MCPH1: variants seen among roughly 807,000 people sequenced by gnomAD.
MCPH1 encodes the protein microcephalin 1, also known as microcephalin.
In MCPH1, 104 loss-of-function variants were observed where a neutral mutation model predicts 84.5. The ratio of observed to expected loss-of-function variants is 1.23; its 90% CI spans 1.05 to 1.45. The LOEUF (loss-of-function observed/expected upper bound fraction) is 1.45, where lower values mean the gene tolerates loss of function less well. Ranked by LOEUF, MCPH1 falls within the 40% of genes most tolerant of loss-of-function variation. MCPH1 has a pLI of 0.00. For missense variants in MCPH1, 1,498 were observed against 1,005.7 expected (o/e 1.49, Z -6.62); for synonymous variants, 514 against 366.8 (o/e 1.40, Z -4.58).
intron 12 of MCPH1, chr8:6,503,018 C>T (rs1411191785): frequency 1.3e-6 from 2 of 1,518,346 alleles, no homozygotes; most frequent in African/African-American, 1.4e-5. Context: ...GAAGAGGACA[C>T]AGTGCGCAGC....
At chr8:6,535,246 G>A (rs1433516019) in intron 12 of MCPH1, among the ~76,000 whole-genome samples, 1 of 152,180 alleles carries the variant, frequency 6.6e-6, no homozygotes, top group Non-Finnish European at 1.5e-5. Context: ...CATTTCTAGA[G>A]CTACTGAGTC....
At chr8:6,406,711 G>A (rs747298128) in intron 1 of MCPH1, 22 bp downstream of exon 1, 12 of 1,611,540 alleles carry the variant, frequency 7.4e-6, no homozygotes, top group Non-Finnish European at 1.0e-5. Context: ...CCTGCTGCCT[G>A]CTCCAGCAGC....
At chr8:6,439,750 G>A (rs1368437833) in intron 6 of MCPH1, among the ~76,000 whole-genome samples, 2 of 152,108 alleles carry the variant, frequency 1.3e-5, no homozygotes. Flanking sequence ...TGTATCTAAG[G>A]AATCAGTTTG....
At position 6,407,043 on chromosome 8, in the gene MCPH1, C is replaced by T. The variant is rs1286295931; in HGVS notation, c.22+354C>T. 8.1e-6 allele frequency: 3 copies of T among 371,938 alleles called. 1 individual carries two copies. Among genetic ancestry groups the T allele is most frequent in the East Asian group, 7.2e-5 (1 of 13,956 alleles). 23.0% of individuals were successfully genotyped at this position (371,938 alleles called of 1,614,324 possible). On this transcript the variant is annotated intron_variant, in intron 1 of 13. Coordinates refer to ENST00000344683, the MANE Select transcript of MCPH1 (RefSeq NM_024596.5). ...AATCCCCCGCTGCCTGCTCCCTCCC[C>T]CATGCTGCCTGTCCCCCAAATCCCG...
rs779947393 is a variant in MCPH1, at chr8:6,477,588, C to A, written c.1936-6C>A. On this transcript the variant is annotated splice_polypyrimidine_tract_variant and splice_region_variant and intron_variant, in intron 9 of 13. Transcript: ENST00000344683. ...TTTTTTGTTCCTTCTTGTTTGAAAT[C>A]TCTAGCCAACAAGAACATTAGTCAT... is the stretch of plus-strand genomic sequence containing the variant. The A allele has an allele frequency of 2.6e-5, 42 of 1,611,616 alleles. No individual in the cohort carries two copies. Among genetic ancestry groups the A allele is most frequent in the Non-Finnish European group, 3.5e-5 (41 of 1,178,466 alleles).
chr8:6,471,374 C>T (rs1160172347), intron 9 of MCPH1, among the ~76,000 whole-genome samples: 2 of 152,036 alleles, frequency 1.3e-5, no homozygotes, highest in Admixed American at 6.6e-5. Flanking sequence ...TTAATCTATG[C>T]AAATAATTAT....
At chr8:6,436,933 G>A (rs188864156) in intron 5 of MCPH1, among the ~76,000 whole-genome samples, 18 of 151,990 alleles carry the variant, frequency 1.2e-4, no homozygotes, top group African/African-American at 4.3e-4. Flanking sequence ...CTGCACCACT[G>A]CACTCCAGCC....
rs1554473238 is a variant in MCPH1 at position 6,409,270 on chromosome 8, T to G, written c.23-9T>G. 1.9e-6 allele frequency: 3 copies of G among 1,604,840 alleles called. No individual in the cohort carries two copies. The highest frequency in any genetic ancestry group is 2.6e-6 in the Non-Finnish European group (3 of 1,171,456). On this transcript the variant is annotated splice_polypyrimidine_tract_variant and intron_variant, in intron 1 of 13. Transcript: ENST00000344683. ...AAATGTATGTTTCATGTTCATATCT[T>G]GTTTTCAGATGTAGTGGCCTATGTT...
intron 12 of MCPH1, chr8:6,621,222 C>G (rs1473405650): frequency 1.8e-6 from 1 of 557,756 alleles, no homozygotes; most frequent in East Asian, 3.1e-5. Context: ...TTTTTTTTTT[C>G]TAATTTGTTT....
chr8:6,512,602 C>T (rs1815380432), intron 12 of MCPH1, among the ~76,000 whole-genome samples: 4 of 152,302 alleles, frequency 2.6e-5, no homozygotes, highest in South Asian at 2.1e-4. Context: ...CTGCCCCTCC[C>T]GTTGCACACA....
chr8:6,445,821 A>G, intron 8 of MCPH1: 1 of 1,186,964 alleles, frequency 8.4e-7, no homozygotes. Flanking sequence ...AGTAGTCCAT[A>G]GTATGAATAA....
intron 1 of MCPH1, among the ~76,000 whole-genome samples, chr8:6,407,365 C>G (rs915543490): frequency 5.3e-5 from 8 of 151,998 alleles, no homozygotes; most frequent in East Asian, 1.9e-4. Context: ...ATTTTACAGG[C>G]AGAAACTAAG....
chr8:6,451,500 A>T (rs1463396914), intron 8 of MCPH1, among the ~76,000 whole-genome samples: 1 of 152,214 alleles, frequency 6.6e-6, no homozygotes, highest in Admixed American at 6.5e-5. Flanking sequence ...ATTAAAATTG[A>T]TATTGGAATG....
At chr8:6,489,121 G>C (rs990444198) in intron 11 of MCPH1, among the ~76,000 whole-genome samples, 1 of 152,132 alleles carries the variant, frequency 6.6e-6, no homozygotes, top group Non-Finnish European at 1.5e-5. Context: ...GGCATATTAG[G>C]TCTGAGATTC....
At chr8:6,414,914 T>G (rs200462666) in intron 3 of MCPH1, 31 bp downstream of exon 3, 42 of 1,609,282 alleles carry the variant, frequency 2.6e-5, no homozygotes, top group Middle Eastern at 1.6e-4. Context: ...TTTTTTTCCT[T>G]AAGTATCTAG....
intron 11 of MCPH1, among the ~76,000 whole-genome samples, chr8:6,485,514 C>T (rs1809777917): frequency 2.0e-5 from 3 of 151,060 alleles, no homozygotes. Context: ...AGCTTCATCC[C>T]AGCTTTTCTA....
chr8:6,487,008 T>G (rs1586060323), intron 11 of MCPH1, among the ~76,000 whole-genome samples: 1 of 152,362 alleles, frequency 6.6e-6, no homozygotes, highest in Admixed American at 6.5e-5. Flanking sequence ...TGATTCAGTC[T>G]TCCCTTTTTC....
In MCPH1 at chr8:6,414,749, T is replaced by C; in HGVS notation, c.115-16T>C. 3 of 1,612,730 alleles carry C rather than the reference T, an allele frequency of 1.9e-6. No individual in the cohort carries two copies. The highest frequency in any genetic ancestry group is 1.3e-5 in the African/African-American group (1 of 75,012). On this transcript the variant is annotated splice_polypyrimidine_tract_variant and intron_variant, in intron 2 of 13. Coordinates refer to ENST00000344683, the MANE Select transcript of MCPH1 (RefSeq NM_024596.5). Reference sequence around the variant, plus strand: ...GAACAGTAATGTACATTTTGTTTTCTGCATTTTGTCTACAGGTTTCAAAAA... The same window carrying C: ...GAACAGTAATGTACATTTTGTTTTCCGCATTTTGTCTACAGGTTTCAAAAA...
intron 9 of MCPH1, among the ~76,000 whole-genome samples, chr8:6,471,048 A>C (rs1807652259): frequency 1.3e-5 from 2 of 151,954 alleles, no homozygotes; most frequent in South Asian, 4.1e-4. Flanking sequence ...TTCAGATTTC[A>C]CCTGCAGTGC....
Sources: gnomAD v4.1 joint callset for allele counts (sites outside exome capture counted in the v4.1 genomes callset) on GRCh38, gnomAD v4.1.1 for gene constraint, MANE v1.5 for transcripts, NCBI Gene and HGNC (gene_info 2026-07-23, HGNC 2026-07-21) for gene names.